MCF2L2: variants seen among roughly 807,000 people sequenced by gnomAD.
The protein encoded by MCF2L2 is MCF.2 cell line derived transforming sequence-like 2.
MCF2L2 carries 102 observed loss-of-function variants against 150.2 expected under a neutral mutation model. The observed-to-expected ratio is 0.68, with a 90% confidence interval of 0.58 to 0.80. The LOEUF (loss-of-function observed/expected upper bound fraction) is 0.80, where lower values mean the gene tolerates loss of function less well. MCF2L2 is among the 30% of genes least tolerant of loss of function. MCF2L2 has a pLI of 0.00. For synonymous variants in MCF2L2, 465 were observed against 491.3 expected (o/e 0.95, Z 0.71); for missense variants, 1,256 against 1,372.8 (o/e 0.91, Z 1.34).
At chr3:183,292,737 A>C (rs1728235261) in intron 13 of MCF2L2, among the ~76,000 whole-genome samples, 1 of 152,206 alleles carries the variant, frequency 6.6e-6, no homozygotes. Flanking sequence ...ATATGGAAGT[A>C]TGACATTGTA....
chr3:183,238,922 C>G (rs1482417093), intron 15 of MCF2L2, among the ~76,000 whole-genome samples: 1 of 139,748 alleles, frequency 7.2e-6, no homozygotes, highest in East Asian at 2.2e-4. Context: ...GCGTGGACCC[C>G]GGAGGTGGAG....
In MCF2L2 at chr3:183,270,004, CG is replaced by C. The variant is rs1560388484; in HGVS notation, c.1862+6867del. 1 of 1,614,090 alleles carries C rather than the reference CG, an allele frequency of 6.2e-7. No individual in the cohort carries two copies. Among genetic ancestry groups the C allele is most frequent in the Admixed American group, 1.7e-5 (1 of 60,020 alleles). ...ACCCTGTCTCTTAAGCACACCTCAG[CG>C]GGGCCTCGCTACCAATACTTGATTA... On this transcript the variant is annotated intron_variant, in intron 15 of 29. Coordinates refer to ENST00000328913, the MANE Select transcript of MCF2L2 (RefSeq NM_015078.4). This position sits in a 1 kb window ranked among gnomAD's most constrained non-coding sequence, Gnocchi z 4.5.
chr3:183,233,892 C>T (rs1723680941), intron 15 of MCF2L2, among the ~76,000 whole-genome samples: 2 of 152,092 alleles, frequency 1.3e-5, no homozygotes, highest in Non-Finnish European at 2.9e-5. Flanking sequence ...TTTTACAGCT[C>T]ATTATTCTTT....
At chr3:183,404,354 T>C (rs895778822) in intron 1 of MCF2L2, among the ~76,000 whole-genome samples, 1 of 152,224 alleles carries the variant, frequency 6.6e-6, no homozygotes, top group Admixed American at 6.5e-5. Context: ...CATCATTCCC[T>C]TAACATGCAT....
chr3:183,409,352 A>C (rs1715202322), intron 1 of MCF2L2, among the ~76,000 whole-genome samples: 2 of 152,192 alleles, frequency 1.3e-5, no homozygotes, highest in Admixed American at 1.3e-4. Context: ...AATGCCTCAA[A>C]GCCAGCCAGA....
At chr3:183,230,146 C>G (rs2108671280) in intron 16 of MCF2L2, among the ~76,000 whole-genome samples, 1 of 152,232 alleles carries the variant, frequency 6.6e-6, no homozygotes, top group East Asian at 1.9e-4. Context: ...CGAAGTTTTG[C>G]TCTTCTTCCC....
At chr3:183,263,962 T>C (rs951742759) in intron 15 of MCF2L2, among the ~76,000 whole-genome samples, 4 of 152,080 alleles carry the variant, frequency 2.6e-5, no homozygotes, top group Non-Finnish European at 5.9e-5. Context: ...CCTCACCTCA[T>C]CCGGCATCAG....
rs936440762 is a variant in MCF2L2, at chr3:183,181,478, C to G, written c.3017-1319G>C. 1.3e-5 allele frequency among the ~76,000 whole-genome samples: 2 copies of G among 152,074 alleles called. No individual in the cohort carries two copies. Among genetic ancestry groups the G allele is most frequent in the Admixed American group, 6.6e-5 (1 of 15,258 alleles). Reference sequence around the variant, plus strand: ...GGTGGGAGGGGCAAGGGGTGGAGGGCAGAGGAGAAACTGCCTCAGGGATGT... The same window carrying G: ...GGTGGGAGGGGCAAGGGGTGGAGGGGAGAGGAGAAACTGCCTCAGGGATGT... On this transcript the variant is annotated intron_variant, in intron 27 of 29. Transcript: ENST00000328913. This position sits in a 1 kb window ranked among gnomAD's most constrained non-coding sequence, Gnocchi z 4.3.
intron 8 of MCF2L2, 68 bp downstream of exon 8, chr3:183,311,580 G>T (rs1577054555): frequency 1.3e-6 from 2 of 1,576,516 alleles, no homozygotes; most frequent in South Asian, 1.2e-5. Flanking sequence ...ATCTGTTCTT[G>T]GTTGCTCCAG....
At chr3:183,362,873 G>A (rs941711320) in intron 3 of MCF2L2, among the ~76,000 whole-genome samples, 30 of 152,090 alleles carry the variant, frequency 2.0e-4, no homozygotes, top group African/African-American at 6.0e-4. Flanking sequence ...ATAAGAAGAC[G>A]ACACATTTCT....
intron 26 of MCF2L2, 96 bp downstream of exon 26, chr3:183,195,126 T>G: frequency 9.7e-7 from 1 of 1,034,230 alleles, no homozygotes; most frequent in Non-Finnish European, 1.4e-6. Flanking sequence ...AAGCCAAGTG[T>G]TGGGGGAAGA....
At chr3:183,354,525 C>T (rs1308904997) in intron 3 of MCF2L2, among the ~76,000 whole-genome samples, 1 of 140,826 alleles carries the variant, frequency 7.1e-6, no homozygotes, top group Non-Finnish European at 1.5e-5. Context: ...TTTCTTTCTG[C>T]TGACTTCTAC....
intron 10 of MCF2L2, among the ~76,000 whole-genome samples, chr3:183,303,623 A>C (rs1199340589): frequency 1.3e-5 from 2 of 152,088 alleles, no homozygotes; most frequent in Admixed American, 1.3e-4. Flanking sequence ...CGCCTTCTTA[A>C]TGCCTTTCAA....
At position 183,248,787 on chromosome 3, in the gene MCF2L2, T is replaced by C. The variant is rs752370346; in HGVS notation, c.1863-17770A>G. Among the ~76,000 whole-genome samples, 242 of 152,270 alleles carry C rather than the reference T, an allele frequency of 1.6e-3. 1 individual carries two copies. Among genetic ancestry groups the C allele is most frequent in the Non-Finnish European group, 1.7e-3 (113 of 68,010 alleles). On this transcript the variant is annotated intron_variant, in intron 15 of 29. Coordinates refer to ENST00000328913, the MANE Select transcript of MCF2L2 (RefSeq NM_015078.4). ...TAGAAGGTCAAGCCTGAGTGAGCAG[T>C]GACCGGCCATTGTATTCCAGCCTGA...
chr3:183,277,535 A>G (rs1013077252), intron 14 of MCF2L2, among the ~76,000 whole-genome samples: 2 of 151,958 alleles, frequency 1.3e-5, no homozygotes, highest in African/African-American at 4.8e-5. Context: ...CTGGAGGCAG[A>G]GATGAAGTAA....
At chr3:183,260,431 G>A (rs1030519142) in intron 15 of MCF2L2, among the ~76,000 whole-genome samples, 9 of 152,292 alleles carry the variant, frequency 5.9e-5, no homozygotes, top group East Asian at 1.9e-4. Context: ...TTGCAAGAAT[G>A]AGCACAGAGG....
Position 183,336,370 on chromosome 3 carries a change from T to C in MCF2L2, c.486+2430A>G, listed in dbSNP as rs1730481562. On this transcript the variant is annotated intron_variant, in intron 5 of 29. Transcript: ENST00000328913. ...TATTCTTGCAACTTTTCTGTTGAGT[T>C]TGAAATTAGTTTCAACTAAACATAA... Among the ~76,000 whole-genome samples the C allele has an allele frequency of 2.6e-5, 4 of 152,114 alleles. No individual in the cohort carries two copies. In the South Asian group the frequency reaches 8.3e-4, roughly 32 times the overall value.
chr3:183,364,472 A>T (rs1048547749), intron 3 of MCF2L2, among the ~76,000 whole-genome samples: 5 of 152,272 alleles, frequency 3.3e-5, no homozygotes, highest in East Asian at 1.9e-4. Flanking sequence ...GTGAGCCAAG[A>T]TCACGCCACT....
rs578154203 is a variant in MCF2L2, at chr3:183,202,013, T to C, written c.2884+3863A>G. Among the ~76,000 whole-genome samples, 11 of 152,270 alleles carry C rather than the reference T, an allele frequency of 7.2e-5. 1 individual carries two copies. Among genetic ancestry groups the C allele is most frequent in the African/African-American group, 2.6e-4 (11 of 41,552 alleles). ...AGCTTTTTAACTTGCCCTATTTCTA[T>C]CCTCCCCTTCCTTGGTGGTAGCCTT... On this transcript the variant is annotated intron_variant, in intron 25 of 29. Coordinates refer to ENST00000328913, the MANE Select transcript of MCF2L2 (RefSeq NM_015078.4).
Sources: gnomAD v4.1 joint callset for allele counts (sites outside exome capture counted in the v4.1 genomes callset) on GRCh38, gnomAD v4.1.1 for gene constraint, Gnocchi (gnomAD v3.1) non-coding constraint, MANE v1.5 for transcripts, NCBI Gene and HGNC (gene_info 2026-07-23, HGNC 2026-07-21) for gene names.